PPP2R3C: variants seen among roughly 807,000 people sequenced by gnomAD.
PPP2R3C encodes protein phosphatase 2 regulatory subunit B''gamma, also known as serine/threonine-protein phosphatase 2A regulatory subunit B'' subunit gamma.
A neutral mutation model predicts 63.7 loss-of-function variants in PPP2R3C; 47 were observed. The ratio of observed to expected loss-of-function variants is 0.74; its 90% CI spans 0.58 to 0.94. The LOEUF is 0.94. PPP2R3C is among the 40% of genes least tolerant of loss of function. The probability of loss-of-function intolerance (pLI) is 0.00; values close to 1 mark genes in which losing one functional copy is unlikely to be tolerated. For missense variants in PPP2R3C, 421 were observed against 518.4 expected (o/e 0.81, Z 1.82); for synonymous variants, 180 against 177.4 (o/e 1.01, Z -0.12).
At chr14:35,090,967 G>A (rs545025203) in intron 11 of PPP2R3C, 103 bp downstream of exon 11, 100 of 1,068,606 alleles carry the variant, frequency 9.4e-5, no homozygotes, top group African/African-American at 9.4e-4. Context: ...CACCTGCCTC[G>A]GCCTCCCAAA....
At chr14:35,089,849 G>A (rs977792041) in intron 11 of PPP2R3C, among the ~76,000 whole-genome samples, 2 of 63,810 alleles carry the variant, frequency 3.1e-5, no homozygotes, top group African/African-American at 1.2e-4. Context: ...TGCATTTTTA[G>A]TAGAGATGGG....
Position 35,085,680 on chromosome 14 carries a change from TAG to T in PPP2R3C, c.1270_1271del (p.Leu424AsnfsTer19). On this transcript the variant is annotated frameshift_variant, in exon 13 of 13. Coordinates refer to ENST00000261475, the MANE Select transcript of PPP2R3C (RefSeq NM_017917.4). LOFTEE classifies it high-confidence loss of function. ...AAGTCCAGAAGCCATTCAAATCGATTAGAATGGTGGTTACTGTGTCTCCTTGA... is the reference window on the plus strand; with the variant it reads ...AAGTCCAGAAGCCATTCAAATCGATTAATGGTGGTTACTGTGTCTCCTTGA... ...SNQGDTVTTILIDLNGFWTYE... is the reference protein window; with the variant it reads ...SNQGDTVTTIXIDLNGFWTYE... 1 of 1,613,160 alleles carries T rather than the reference TAG, an allele frequency of 6.2e-7. No individual in the cohort carries two copies. Among genetic ancestry groups the T allele is most frequent in the Non-Finnish European group, 8.5e-7 (1 of 1,179,196 alleles).
rs757482177 is a variant in PPP2R3C, at chr14:35,109,928, A to C, written c.295T>G (p.Leu99Val). 1.3e-5 allele frequency: 21 copies of C among 1,576,374 alleles called. No individual in the cohort carries two copies. Among genetic ancestry groups the C allele is most frequent in the Non-Finnish European group, 1.7e-5 (20 of 1,151,934 alleles). Reference sequence around the variant, plus strand: ...TGGTGTTTGTCCAGCAAAAACCATAAGTTCTTAAGAGAATTGTGGAAGTGA... The same window carrying C: ...TGGTGTTTGTCCAGCAAAAACCATACGTTCTTAAGAGAATTGTGGAAGTGA... The part of the protein sequence containing the change: ...ELLDNEELQN[L>V]WFLLDKHQTP... Residue 99 changes from leucine (L) to valine (V), a missense_variant, in exon 4 of 13, where the codon TTA (leucine) becomes GTA (valine). By Grantham distance (32) the Leu-to-Val change is conservative. Transcript: ENST00000261475.
At chr14:35,118,284 A>G (rs1393667783) in intron 1 of PPP2R3C, among the ~76,000 whole-genome samples, 1 of 152,204 alleles carries the variant, frequency 6.6e-6, no homozygotes, top group East Asian at 1.9e-4. Flanking sequence ...GAGAAATACC[A>G]GCATGTTTAT....
At position 35,116,589 on chromosome 14, in the gene PPP2R3C, A is replaced by C. The variant is rs1595130233; in HGVS notation, c.186+21T>G. 5 of 1,546,592 alleles carry C rather than the reference A, an allele frequency of 3.2e-6. No individual in the cohort carries two copies. In the African/African-American group the frequency reaches 7.0e-5, roughly 22 times the overall value. ...ATTTCATTTTTAAACTCTGCAGGAC[A>C]TTTGATTAGACACTACTTACCCTAT... On this transcript the variant is annotated intron_variant, in intron 2 of 12. Transcript: ENST00000261475.
At chr14:35,116,461 C>T (rs2138716639) in intron 2 of PPP2R3C, 149 bp downstream of exon 2, 1 of 486,504 alleles carries the variant, frequency 2.1e-6, no homozygotes, top group Non-Finnish European at 3.3e-6. Context: ...TGCTATGTTG[C>T]CCTGGCTGGT....
chr14:35,101,868 T>C (rs1046254148), intron 6 of PPP2R3C: 4 of 152,110 alleles, frequency 2.6e-5, no homozygotes, highest in African/African-American at 9.7e-5. Flanking sequence ...TTTCCCCCAG[T>C]TTGTTGTTTT....
intron 10 of PPP2R3C, among the ~76,000 whole-genome samples, chr14:35,092,182 C>T (rs927486910): frequency 8.5e-5 from 13 of 152,138 alleles, no homozygotes; most frequent in Non-Finnish European, 1.5e-5. Context: ...AATCTTCCCA[C>T]TACAGCCTCC....
At chr14:35,116,165 C>G (rs2046704299) in intron 2 of PPP2R3C, among the ~76,000 whole-genome samples, 1 of 151,826 alleles carries the variant, frequency 6.6e-6, no homozygotes, top group Non-Finnish European at 1.5e-5. Context: ...GTGATAAGAT[C>G]AATTACAATA....
At position 35,096,797 on chromosome 14, in the gene PPP2R3C, A is replaced by AT. The variant is rs1168238842; in HGVS notation, c.707-34dup. 6 of 1,526,358 alleles carry AT rather than the reference A, an allele frequency of 3.9e-6. No individual in the cohort carries two copies. In the South Asian group the frequency reaches 7.5e-5, roughly 19 times the overall value. The allele number at this position is 1,526,358 out of a possible 1,614,324, so 94.6% of individuals were successfully genotyped here. A position where few individuals can be genotyped will look rare whatever the true frequency, so the allele number is the denominator to read the frequency against. On this transcript the variant is annotated intron_variant, in intron 7 of 12. Coordinates refer to ENST00000261475, the MANE Select transcript of PPP2R3C (RefSeq NM_017917.4). ...AACATAAAGAAACACAATTAATTTC[A>AT]TTTTAAGAAAAGAGCAACTCAATTA...
chr14:35,089,606 A>G (rs1341776653), intron 11 of PPP2R3C, among the ~76,000 whole-genome samples: 1 of 152,002 alleles, frequency 6.6e-6, no homozygotes, highest in East Asian at 1.9e-4. Flanking sequence ...CTCCTGCCTC[A>G]GCTTCCCTAA....
intron 2 of PPP2R3C, among the ~76,000 whole-genome samples, chr14:35,116,322 G>GCTCA (rs777021498): frequency 1.1e-4 from 17 of 152,182 alleles, no homozygotes; most frequent in Non-Finnish European, 2.1e-4. Context: ...CACAATCACG[G>GCTCA]CTCACTGCTG....
upstream of PPP2R3C, chr14:35,122,132 C>T: frequency 1.6e-6 from 1 of 615,392 alleles, no homozygotes; most frequent in Non-Finnish European, 2.9e-6. Flanking sequence ...ACTGTCACTG[C>T]CGCGGAGAAT....
intron 10 of PPP2R3C, among the ~76,000 whole-genome samples, chr14:35,094,472 GC>G (rs2045930245): frequency 7.3e-6 from 1 of 136,380 alleles, no homozygotes; most frequent in Non-Finnish European, 1.6e-5. Context: ...CCTGGCCTCA[GC>G]TTTTTTTTAA....
At chr14:35,120,781 C>T (rs2046855044) in intron 1 of PPP2R3C, among the ~76,000 whole-genome samples, 1 of 151,882 alleles carries the variant, frequency 6.6e-6, no homozygotes, top group African/African-American at 2.4e-5. Context: ...ACCTCATCTC[C>T]ACTAAAAATA....
intron 10 of PPP2R3C, among the ~76,000 whole-genome samples, 169 bp downstream of exon 10, chr14:35,094,879 A>G (rs544405854): frequency 1.3e-5 from 2 of 152,166 alleles, no homozygotes; most frequent in East Asian, 3.9e-4. Context: ...ACTTGAACCT[A>G]GGAAGTGGAG....
At chr14:35,101,729 T>C (rs1333690941) in intron 6 of PPP2R3C, 3 of 152,196 alleles carry the variant, frequency 2.0e-5, no homozygotes, top group African/African-American at 2.4e-5. Flanking sequence ...TTAAGAAGCA[T>C]TTGAATTTTA....
At chr14:35,090,747 G>A (rs1248415004) in intron 11 of PPP2R3C, among the ~76,000 whole-genome samples, 45 of 122,082 alleles carry the variant, frequency 3.7e-4, no homozygotes, top group Admixed American at 3.4e-3. Flanking sequence ...ACGGAGTCTC[G>A]CTCTGTCGCC....
chr14:35,122,167 A>G, upstream of PPP2R3C: 1 of 575,270 alleles, frequency 1.7e-6, no homozygotes, highest in South Asian at 2.1e-5. Flanking sequence ...GACTGGGGGA[A>G]AAAACTATGA....
Sources: gnomAD v4.1 joint callset for allele counts (sites outside exome capture counted in the v4.1 genomes callset) on GRCh38, gnomAD v4.1.1 for gene constraint, MANE v1.5 for transcripts, NCBI Gene and HGNC (gene_info 2026-07-23, HGNC 2026-07-21) for gene names.